XKR9: variants seen among roughly 807,000 people sequenced by gnomAD.
XKR9 encodes XK related 9, also known as XK-related protein 9.
In XKR9, 32 loss-of-function variants were observed where a neutral mutation model predicts 32.0. The observed-to-expected ratio is 1.00, with a 90% CI of 0.76 to 1.34. XKR9 has a LOEUF of 1.34. XKR9 is among the 40% of genes most tolerant of loss of function. XKR9 has a pLI of 0.00. For missense variants in XKR9, 546 were observed against 429.7 expected, an observed-to-expected ratio of 1.27 and a Z score of -2.39; for synonymous variants, 168 against 143.4, an observed-to-expected ratio of 1.17 and a Z score of -1.22.
intron 2 of XKR9, among the ~76,000 whole-genome samples, chr8:70,762,606 T>A (rs1437835409): frequency 6.6e-6 from 1 of 152,218 alleles, no homozygotes; most frequent in Non-Finnish European, 1.5e-5. Context: ...TTATTTAAAG[T>A]GTCATTCTTT....
At chr8:71,064,176 T>C in the XKR9 span, among the ~76,000 whole-genome samples, 1 of 152,188 alleles carries the variant, frequency 6.6e-6, no homozygotes, top group East Asian at 1.9e-4. Flanking sequence ...ATACCCATCA[T>C]TGAGATTTAA....
the XKR9 span, among the ~76,000 whole-genome samples, chr8:71,022,657 A>G: frequency 4.1e-4 from 63 of 152,302 alleles, no homozygotes; most frequent in East Asian, 9.3e-3. Context: ...TGGATGTCTC[A>G]ATCTCTTGCT....
intron 3 of XKR9, among the ~76,000 whole-genome samples, chr8:70,700,951 C>A (rs184539010): frequency 1.4e-3 from 206 of 152,316 alleles, no homozygotes; most frequent in African/African-American, 4.7e-3. Context: ...GCTGTGCTAG[C>A]AATCAGCGAG....
the XKR9 span, among the ~76,000 whole-genome samples, chr8:70,927,937 A>AAAATT: frequency 6.6e-6 from 1 of 152,118 alleles, no homozygotes; most frequent in South Asian, 2.1e-4. Flanking sequence ...AGGGTCCTAG[A>AAAATT]CTGGTTCTTC....
At position 70,755,380 on chromosome 8, in the gene XKR9, A is replaced by G. The variant is rs75300367; in HGVS notation, n.353-33959A>G. Among the ~76,000 whole-genome samples, 33 of 152,286 alleles carry G rather than the reference A, an allele frequency of 2.2e-4. No individual in the cohort carries two copies. The East Asian group carries it at 6.4e-3, about 29-fold the overall frequency. On this transcript the variant is annotated intron_variant and non_coding_transcript_variant, in intron 2 of 3. Coordinates refer to the XKR9 transcript ENST00000520273. ...TCCTCAGGGATCTAGAACTAGAAAT[A>G]CCATTTGACCCAGCCACCTCATTAC... is the stretch of plus-strand genomic sequence containing the variant.
the XKR9 span, among the ~76,000 whole-genome samples, chr8:71,013,192 G>T: frequency 1.3e-5 from 2 of 152,308 alleles, no homozygotes; most frequent in South Asian, 2.1e-4. Flanking sequence ...ATTGCCATTT[G>T]TGTAGAAAGA....
the XKR9 span, among the ~76,000 whole-genome samples, chr8:71,048,877 C>T: frequency 6.6e-6 from 1 of 152,146 alleles, no homozygotes; most frequent in African/African-American, 2.4e-5. Flanking sequence ...AAATGAAATA[C>T]AATTTTTATT....
downstream of XKR9, among the ~76,000 whole-genome samples, chr8:70,793,462 T>C (rs1157120628): frequency 6.6e-6 from 1 of 152,134 alleles, no homozygotes; most frequent in Non-Finnish European, 1.5e-5. Flanking sequence ...TGCCATGTAA[T>C]GCACTTGGCC....
At chr8:71,021,375 T>C in the XKR9 span, among the ~76,000 whole-genome samples, 1 of 152,208 alleles carries the variant, frequency 6.6e-6, no homozygotes, top group East Asian at 1.9e-4. Context: ...GATGCAGTTA[T>C]TTTTTGCTTG....
At position 70,752,558 on chromosome 8, in the gene XKR9, A is replaced by G. The variant is rs549212833; in HGVS notation, n.353-36781A>G. Among the ~76,000 whole-genome samples the G allele has an allele frequency of 7.9e-5, 12 of 152,302 alleles. No homozygotes were observed. In the South Asian group the frequency reaches 2.5e-3, roughly 32 times the overall value. ...TGAGAATTTACCCCTAAAAGGCATTAATCCCCCTTAATGACCTAATCACCT... is the reference window on the plus strand; with the variant it reads ...TGAGAATTTACCCCTAAAAGGCATTGATCCCCCTTAATGACCTAATCACCT... On this transcript the variant is annotated intron_variant and non_coding_transcript_variant, in intron 2 of 3. Coordinates refer to the XKR9 transcript ENST00000520273.
At chr8:70,836,046 A>T in the XKR9 span, among the ~76,000 whole-genome samples, 8 of 152,082 alleles carry the variant, frequency 5.3e-5, no homozygotes, top group East Asian at 1.5e-3. Context: ...ATTTTGCTAT[A>T]TTTGTCCTTT....
the XKR9 span, among the ~76,000 whole-genome samples, chr8:70,909,840 C>T: frequency 2.7e-5 from 4 of 150,134 alleles, no homozygotes; most frequent in Non-Finnish European, 5.9e-5. Context: ...TCCCAAGTAG[C>T]TGGGACTACA....
the XKR9 span, among the ~76,000 whole-genome samples, chr8:70,909,870 GGC>G: frequency 6.6e-6 from 1 of 151,610 alleles, no homozygotes; most frequent in East Asian, 2.0e-4. Flanking sequence ...CACCATGCCT[GGC>G]TAATTTTTGT....
At chr8:71,057,275 T>C in the XKR9 span, among the ~76,000 whole-genome samples, 1 of 152,330 alleles carries the variant, frequency 6.6e-6, no homozygotes, top group African/African-American at 2.4e-5. Context: ...ACACTATGGA[T>C]GAGCATGTCA....
the XKR9 span, among the ~76,000 whole-genome samples, chr8:70,970,984 A>G: frequency 3.6e-3 from 554 of 152,298 alleles, 3 homozygotes; most frequent in African/African-American, 0.013. Context: ...AAATCATTCT[A>G]CTATAAAGAC....
chr8:71,014,067 A>G, the XKR9 span, among the ~76,000 whole-genome samples: 1 of 152,074 alleles, frequency 6.6e-6, no homozygotes, highest in Non-Finnish European at 1.5e-5. Flanking sequence ...GTTATGGCTC[A>G]TTCTGTGACT....
chr8:70,701,535 C>T (rs1805535123), intron 3 of XKR9, among the ~76,000 whole-genome samples: 1 of 152,134 alleles, frequency 6.6e-6, no homozygotes, highest in Admixed American at 6.6e-5. Context: ...TTTCCTTTCT[C>T]TTTGTATATT....
the XKR9 span, among the ~76,000 whole-genome samples, chr8:70,968,758 A>G: frequency 6.6e-6 from 1 of 152,076 alleles, no homozygotes; most frequent in Admixed American, 6.6e-5. Flanking sequence ...TCCCTCCCGT[A>G]CCTGGAGGTA....
chr8:70,822,419 G>A, the XKR9 span, among the ~76,000 whole-genome samples: 3 of 151,868 alleles, frequency 2.0e-5, no homozygotes, highest in South Asian at 2.1e-4. Flanking sequence ...ATGTGGTTGT[G>A]AGTAATACAT....
Sources: allele counts gnomAD v4.1 joint callset (sites outside exome capture counted in the v4.1 genomes callset), GRCh38; gene constraint gnomAD v4.1.1; transcripts MANE v1.5; gene names NCBI Gene and HGNC (gene_info 2026-07-23, HGNC 2026-07-21).